DDX50: variants seen among roughly 807,000 people sequenced by gnomAD.
The protein encoded by DDX50 is DExD-box helicase 50, also known as ATP-dependent RNA helicase DDX50.
A neutral mutation model predicts 94.8 loss-of-function variants in DDX50; 56 were observed. The observed-to-expected ratio is 0.59, with a 90% CI of 0.48 to 0.74. The LOEUF (loss-of-function observed/expected upper bound fraction) is 0.74. Among genes scored for constraint, DDX50 ranks in the 30% least tolerant of loss-of-function variants. The pLI is 0.00. For missense variants in DDX50, 713 were observed against 881.2 expected, an observed-to-expected ratio of 0.81 and a Z score of 2.42; for synonymous variants, 264 against 295.4, an observed-to-expected ratio of 0.89 and a Z score of 1.09.
chr10:68,946,331 T>A, intron 14 of DDX50, 21 bp from the exon 15 acceptor site: 1 of 1,587,886 alleles, frequency 6.3e-7, no homozygotes, highest in South Asian at 1.1e-5. Context: ...TTTATATTAA[T>A]CCTGTAAATT....
At chr10:68,942,968 G>T (rs1842587092) in intron 13 of DDX50, among the ~76,000 whole-genome samples, 3 of 152,062 alleles carry the variant, frequency 2.0e-5, no homozygotes, top group Non-Finnish European at 4.4e-5. Context: ...AATTTTAAAA[G>T]AAATTTATTA....
intron 7 of DDX50, among the ~76,000 whole-genome samples, chr10:68,918,428 CTTTTTTTTTTT>C (rs34777951): frequency 8.8e-5 from 5 of 57,032 alleles, no homozygotes; most frequent in African/African-American, 2.4e-4. Flanking sequence ...CCATTCCCTC[CTTTTTTTTTTT>C]TTTTTTTTTT....
chr10:68,935,549 T>A (rs781241766), intron 10 of DDX50, among the ~76,000 whole-genome samples: 1 of 152,052 alleles, frequency 6.6e-6, no homozygotes, highest in Non-Finnish European at 1.5e-5. Context: ...AAAAAAAAGA[T>A]CTTGGCTGGG....
chr10:68,902,901 C>T (rs907426238), intron 1 of DDX50, among the ~76,000 whole-genome samples: 2 of 152,130 alleles, frequency 1.3e-5, no homozygotes, highest in Non-Finnish European at 2.9e-5. Context: ...GTTCATTTTT[C>T]CTGTATGTAT....
At position 68,936,303 on chromosome 10, in the gene DDX50, C is replaced by T. The variant is rs558311721; in HGVS notation, c.1595+224C>T. Among the ~76,000 whole-genome samples the T allele has an allele frequency of 3.0e-4, 45 of 150,214 alleles. 1 individual carries two copies. Among genetic ancestry groups the T allele is most frequent in the African/African-American group, 8.3e-4 (34 of 40,800 alleles). On this transcript the variant is annotated intron_variant, in intron 11 of 14. Coordinates refer to ENST00000373585, the MANE Select transcript of DDX50 (RefSeq NM_024045.2). The stretch of plus-strand genomic sequence containing the variant: ...GAGATTGAGACCATCCTGGCTAACA[C>T]GGTGAAACCCTATCTCTACTAAAAA...
chr10:68,936,320 T>C (rs985867994), intron 11 of DDX50, among the ~76,000 whole-genome samples: 1 of 150,184 alleles, frequency 6.7e-6, no homozygotes, highest in African/African-American at 2.5e-5. Flanking sequence ...ACCCTATCTC[T>C]ACTAAAAAAA....
chr10:68,929,297 C>G (rs1032164475), intron 8 of DDX50, among the ~76,000 whole-genome samples: 1 of 102,574 alleles, frequency 9.7e-6, no homozygotes, highest in Non-Finnish European at 2.4e-5. Context: ...TCCTTCCTCT[C>G]TCTCTCTCTC....
intron 8 of DDX50, among the ~76,000 whole-genome samples, chr10:68,922,589 T>C (rs1334469956): frequency 6.6e-6 from 1 of 151,812 alleles, no homozygotes; most frequent in African/African-American, 2.4e-5. Flanking sequence ...GCCCAGGAGT[T>C]CAAGAAAAGC....
At chr10:68,943,498 G>A (rs1043084713) in intron 14 of DDX50, among the ~76,000 whole-genome samples, 1 of 152,194 alleles carries the variant, frequency 6.6e-6, no homozygotes, top group Non-Finnish European at 1.5e-5. Context: ...CTGGGCTCAA[G>A]TGATCCTCCC....
intron 8 of DDX50, among the ~76,000 whole-genome samples, chr10:68,932,044 AGTATTCCT>A (rs1842287470): frequency 6.6e-6 from 1 of 152,168 alleles, no homozygotes; most frequent in Non-Finnish European, 1.5e-5. Context: ...TTCCCTCTTA[AGTATTCCT>A]GTAACACTCT....
chr10:68,927,868 A>G (rs1198297702), intron 8 of DDX50, among the ~76,000 whole-genome samples: 1 of 152,176 alleles, frequency 6.6e-6, no homozygotes, highest in Non-Finnish European at 1.5e-5. Context: ...TTAAAGGGAT[A>G]CTTTTGAGCT....
At chr10:68,943,376 T>G in intron 14 of DDX50, 119 bp downstream of exon 14, 1 of 772,804 alleles carries the variant, frequency 1.3e-6, no homozygotes, top group Non-Finnish European at 2.0e-6. Flanking sequence ...AGGAATTCCT[T>G]AATATAAAAT....
chr10:68,914,481 C>T (rs1041930445), intron 7 of DDX50, among the ~76,000 whole-genome samples: 28 of 151,828 alleles, frequency 1.8e-4, no homozygotes, highest in African/African-American at 6.1e-4. Context: ...TCTTTAAAGC[C>T]GCTCAAAAAC....
At chr10:68,908,202 G>A (rs1254771629) in intron 2 of DDX50, among the ~76,000 whole-genome samples, 1 of 152,114 alleles carries the variant, frequency 6.6e-6, no homozygotes, top group Non-Finnish European at 1.5e-5. Context: ...TGTAATCCCA[G>A]CACTTTGGGA....
At chr10:68,914,413 C>G (rs1841723475) in intron 7 of DDX50, among the ~76,000 whole-genome samples, 1 of 152,016 alleles carries the variant, frequency 6.6e-6, no homozygotes, top group Admixed American at 6.6e-5. Context: ...TAGGCAAGTC[C>G]TAATAGGAAA....
intron 2 of DDX50, among the ~76,000 whole-genome samples, chr10:68,908,637 CTTTTTTTTTTTT>C (rs1157178909): frequency 1.0e-5 from 1 of 95,732 alleles, no homozygotes; most frequent in Non-Finnish European, 2.0e-5. Flanking sequence ...TTAAAATTTC[CTTTTTTTTTTTT>C]TTTTTTTTTG....
chr10:68,919,789 A>G, intron 7 of DDX50, 43 bp from the exon 8 acceptor site: 1 of 1,597,504 alleles, frequency 6.3e-7, no homozygotes, highest in Non-Finnish European at 8.5e-7. Flanking sequence ...ATTTTAAAAT[A>G]ATTTTAATGA....
At chr10:68,925,633 GGA>G (rs1286990786) in intron 8 of DDX50, among the ~76,000 whole-genome samples, 1 of 152,122 alleles carries the variant, frequency 6.6e-6, no homozygotes, top group Non-Finnish European at 1.5e-5. Context: ...TAGCACTTTG[GGA>G]GGCTGATGTG....
At chr10:68,909,381 T>A (rs1245212077) in intron 2 of DDX50, among the ~76,000 whole-genome samples, 2 of 152,218 alleles carry the variant, frequency 1.3e-5, no homozygotes, top group Non-Finnish European at 2.9e-5. Flanking sequence ...AACTTGTATA[T>A]ATGTTAAAGA....
Sources: gnomAD v4.1 joint callset for allele counts (sites outside exome capture counted in the v4.1 genomes callset) on GRCh38, gnomAD v4.1.1 for gene constraint, MANE v1.5 for transcripts, NCBI Gene and HGNC (gene_info 2026-07-23, HGNC 2026-07-21) for gene names.